The following DCAF8L2 variants were observed in gnomAD, a reference collection of about 807,000 sequenced individuals.
The protein encoded by DCAF8L2 is DDB1 and CUL4 associated factor 8 like 2, also known as DDB1- and CUL4-associated factor 8-like protein 2.
For synonymous variants in DCAF8L2, 200 were observed against 190.9 expected (o/e 1.05, Z -0.39); for missense variants, 430 against 490.7 (o/e 0.88, Z 1.17).
chrX:27,531,459 C>T, the DCAF8L2 span, among the ~76,000 whole-genome samples: 4 of 111,696 alleles, frequency 3.6e-5, no homozygotes, highest in African/African-American at 1.3e-4. Flanking sequence ...CATATCAGAA[C>T]ACATATGTTG....
intron 2 of DCAF8L2, among the ~76,000 whole-genome samples, chrX:27,649,416 A>T (rs184904719): frequency 8.9e-6 from 1 of 112,398 alleles, no homozygotes; most frequent in East Asian, 2.8e-4. Flanking sequence ...ACTAATTTGC[A>T]TTCCCATCAA....
At chrX:27,485,969 A>T in the DCAF8L2 span, among the ~76,000 whole-genome samples, 1 of 98,746 alleles carries the variant, frequency 1.0e-5, no homozygotes, top group Non-Finnish European at 2.0e-5. Context: ...TTTAGCAAAA[A>T]TCTAGACCGT....
intron 2 of DCAF8L2, among the ~76,000 whole-genome samples, chrX:27,657,269 A>G (rs1409808010): frequency 9.0e-6 from 1 of 111,237 alleles, no homozygotes; most frequent in Admixed American, 9.6e-5. Context: ...AGGGGTGAAA[A>G]ATTGAAACCA....
chrX:27,698,024 A>G (rs1399657857), intron 3 of DCAF8L2, among the ~76,000 whole-genome samples: 1 of 109,919 alleles, frequency 9.1e-6, no homozygotes, highest in Non-Finnish European at 1.9e-5. Flanking sequence ...AATTTTTTTT[A>G]TTAACTATTT....
At chrX:27,582,450 C>T in the DCAF8L2 span, among the ~76,000 whole-genome samples, 1 of 110,874 alleles carries the variant, frequency 9.0e-6, no homozygotes, top group African/African-American at 3.3e-5. Flanking sequence ...CTTCAGTCTT[C>T]CCTTGTTTTT....
chrX:27,517,497 G>GAA, the DCAF8L2 span, among the ~76,000 whole-genome samples: 5 of 81,685 alleles, frequency 6.1e-5, no homozygotes, highest in African/African-American at 8.8e-5. Context: ...ACCTTCAACA[G>GAA]AAAAAAAAAA....
the DCAF8L2 span, among the ~76,000 whole-genome samples, chrX:27,503,057 T>C: frequency 7.1e-5 from 8 of 111,995 alleles, no homozygotes; most frequent in African/African-American, 2.3e-4. Flanking sequence ...CTAGAAATCC[T>C]CATCTTCTGT....
At chrX:27,741,923 C>CTCA (rs1408570353) in intron 4 of DCAF8L2, among the ~76,000 whole-genome samples, 2 of 112,036 alleles carry the variant, frequency 1.8e-5, no homozygotes, top group African/African-American at 6.5e-5. Context: ...GATGAGCACA[C>CTCA]TCAGGTCTAG....
intron 4 of DCAF8L2, among the ~76,000 whole-genome samples, chrX:27,725,357 A>T (rs1408204674): frequency 3.6e-5 from 4 of 111,099 alleles, no homozygotes; most frequent in Non-Finnish European, 5.7e-5. Flanking sequence ...AATACTATTT[A>T]AGTATTAAGA....
At chrX:27,604,985 A>G (rs1926808051) in intron 1 of DCAF8L2, among the ~76,000 whole-genome samples, 1 of 111,894 alleles carries the variant, frequency 8.9e-6, no homozygotes, top group Non-Finnish European at 1.9e-5. Context: ...TTTCTAGGGT[A>G]TTTTATTTGT....
At chrX:27,655,429 C>G (rs1173425241) in intron 2 of DCAF8L2, among the ~76,000 whole-genome samples, 2 of 112,154 alleles carry the variant, frequency 1.8e-5, no homozygotes, top group Admixed American at 1.9e-4. Flanking sequence ...ATAAAAAGCT[C>G]TTGCTCATTT....
rs761386622 is a variant in DCAF8L2, at chrX:27,744,617, A to G, written c.-58-2221A>G. Reference sequence around the variant, plus strand: ...AACTAAGTTGAAGAAAAGCACAATTAAAAGCTATCAAAAAAACTGATGCCC... The same window carrying G: ...AACTAAGTTGAAGAAAAGCACAATTGAAAGCTATCAAAAAAACTGATGCCC... On this transcript the variant is annotated intron_variant, in intron 4 of 4. Transcript: ENST00000451261. Among the ~76,000 whole-genome samples, 3 of 111,676 alleles carry G rather than the reference A, an allele frequency of 2.7e-5. No individual in the cohort carries two copies. In the East Asian group the frequency reaches 8.4e-4, roughly 31 times the overall value.
the DCAF8L2 span, among the ~76,000 whole-genome samples, chrX:27,483,559 C>T: frequency 9.0e-6 from 1 of 110,791 alleles, no homozygotes; most frequent in Non-Finnish European, 1.9e-5. Flanking sequence ...TTTCTTTCCA[C>T]TTTACTTTTG....
At chrX:27,500,131 C>T in the DCAF8L2 span, among the ~76,000 whole-genome samples, 1 of 111,282 alleles carries the variant, frequency 9.0e-6, no homozygotes, top group African/African-American at 3.3e-5. Context: ...GTAAAGGGAC[C>T]ATAGGATGTC....
chrX:27,592,888 TC>T (rs1252572024), intron 1 of DCAF8L2, among the ~76,000 whole-genome samples: 4 of 109,361 alleles, frequency 3.7e-5, no homozygotes, highest in Non-Finnish European at 7.6e-5. Flanking sequence ...AACCTCCACT[TC>T]CCAGGTTCAA....
At chrX:27,566,910 G>A in the DCAF8L2 span, among the ~76,000 whole-genome samples, 1 of 110,287 alleles carries the variant, frequency 9.1e-6, no homozygotes, top group African/African-American at 3.3e-5. Flanking sequence ...CATGGGTTTT[G>A]GTATATTGTG....
intron 3 of DCAF8L2, chrX:27,712,528 G>T (rs1602765623): frequency 9.0e-6 from 1 of 111,405 alleles, no homozygotes; most frequent in East Asian, 2.8e-4. Context: ...AAAATTTAGG[G>T]TTTCTCTTCT....
chrX:27,596,142 A>T (rs1926347903), intron 1 of DCAF8L2, among the ~76,000 whole-genome samples: 2 of 112,683 alleles, frequency 1.8e-5, no homozygotes, highest in East Asian at 5.6e-4. Flanking sequence ...GTTAATTTGT[A>T]AACTAATTTT....
At chrX:27,664,123 A>G (rs1482816771) in intron 2 of DCAF8L2, among the ~76,000 whole-genome samples, 4 of 111,033 alleles carry the variant, frequency 3.6e-5, no homozygotes, top group African/African-American at 1.3e-4. Context: ...TTAGTGAGGA[A>G]GGCATTTCAA....
Sources: allele counts gnomAD v4.1 joint callset (sites outside exome capture counted in the v4.1 genomes callset), GRCh38; gene constraint gnomAD v4.1.1; transcripts MANE v1.5; gene names NCBI Gene and HGNC (gene_info 2026-07-23, HGNC 2026-07-21).